Variants in CBLN2 observed in about 807,000 individuals in gnomAD.
CBLN2 encodes cerebellin 2 precursor.
Under a neutral mutation model 15.0 loss-of-function variants are expected in CBLN2, and 7 were observed. That is an observed-to-expected ratio of 0.47 (90% confidence interval 0.27 to 0.88). The LOEUF (loss-of-function observed/expected upper bound fraction) is 0.88, where lower values mean the gene tolerates loss of function less well. CBLN2 is among the 40% of genes least tolerant of loss of function. CBLN2 has a pLI of 0.14. For synonymous variants in CBLN2, 149 were observed against 135.2 expected, an observed-to-expected ratio of 1.10 and a Z score of -0.71; for missense variants, 242 against 304.5, an observed-to-expected ratio of 0.79 and a Z score of 1.53.
Position 72,541,908 on chromosome 18 carries a change from A to T in CBLN2, c.253T>A (p.Ser85Thr). The T allele has an allele frequency of 1.2e-6, 2 of 1,608,400 alleles. No individual in the cohort carries two copies. The highest frequency in any genetic ancestry group is 1.7e-6 in the Non-Finnish European group (2 of 1,179,238). ...DGAVTSSLGI[S>T]VRSGSAKVAF... ...ACCTTGGCGCTGCCGGAGCGCACGG[A>T]GATGCCTAGGGAGGAGGTGACGGCG... Residue 85 changes from serine (S) to threonine (T), a missense_variant, in exon 3 of 5, where the codon TCC becomes ACC. Around this residue, in one of 4 missense-constraint regions of CBLN2, gnomAD observed 89 missense variants for 114.2 expected, o/e 0.78. Coordinates refer to ENST00000269503, the MANE Select transcript of CBLN2 (RefSeq NM_182511.4).
chr18:72,623,276 T>A (rs2069713205), intron 1 of CBLN2, among the ~76,000 whole-genome samples: 1 of 152,050 alleles, frequency 6.6e-6, no homozygotes, highest in Non-Finnish European at 1.5e-5. Context: ...ATCCAAACCA[T>A]ATGACCTGGT....
intron 1 of CBLN2, among the ~76,000 whole-genome samples, chr18:72,619,983 C>T (rs150211147): frequency 6.6e-6 from 1 of 152,220 alleles, no homozygotes; most frequent in Non-Finnish European, 1.5e-5. Context: ...CAGCTCACCA[C>T]CCCTTGTTGG....
chr18:72,553,344 G>C lies in CBLN2; in HGVS notation c.16-14572C>G, dbSNP rs146297054. ...GGGGCTTTGTCCAACATGTCAATGA[G>C]GGAAGGAGCGATAAACTTCTTTTTG... On this transcript the variant is annotated intron_variant, in intron 1 of 2. Transcript: ENST00000581073. 8.5e-5 allele frequency among the ~76,000 whole-genome samples: 13 copies of C among 152,242 alleles called. No homozygotes were observed. In the East Asian group the frequency reaches 2.5e-3, roughly 29 times the overall value.
chr18:72,566,389 C>T lies in CBLN2; in HGVS notation c.16-27617G>A, dbSNP rs138215188. On this transcript the variant is annotated intron_variant, in intron 1 of 2. Transcript: ENST00000581073. ...CTCATGTTTATTGTGGCATTATTTA[C>T]GGTAGTCAAAATAGAGAATCAACTT... 2.2e-4 allele frequency among the ~76,000 whole-genome samples: 33 copies of T among 152,144 alleles called. 1 individual carries two copies. In the East Asian group the frequency reaches 5.8e-3, roughly 27 times the overall value.
chr18:72,609,420 A>T (rs2069605975), intron 1 of CBLN2, among the ~76,000 whole-genome samples: 1 of 152,106 alleles, frequency 6.6e-6, no homozygotes. Context: ...TTGAAGACAC[A>T]AGAAGAAGAT....
intron 1 of CBLN2, among the ~76,000 whole-genome samples, chr18:72,621,113 G>A (rs2069697884): frequency 6.6e-6 from 1 of 152,120 alleles, no homozygotes; most frequent in African/African-American, 2.4e-5. Context: ...GTTTCTATTT[G>A]TTAGAGTCTG....
In CBLN2 at chr18:72,594,966, A is replaced by G. The variant is rs568912856; in HGVS notation, c.15+43359T>C. Among the ~76,000 whole-genome samples the G allele has an allele frequency of 2.3e-4, 35 of 149,730 alleles. 1 individual carries two copies. The highest frequency in any genetic ancestry group is 8.6e-4 in the African/African-American group (35 of 40,850). The stretch of plus-strand genomic sequence containing the variant: ...TTTGCTGGTTTTGTTTATCTTTTGA[A>G]AAACTCAATTTTTAACTTTATTGAC... On this transcript the variant is annotated intron_variant, in intron 1 of 2. Coordinates refer to the CBLN2 transcript ENST00000581073.
At chr18:72,634,529 C>A (rs1489890583) in intron 1 of CBLN2, among the ~76,000 whole-genome samples, 1 of 151,802 alleles carries the variant, frequency 6.6e-6, no homozygotes, top group Non-Finnish European at 1.5e-5. Flanking sequence ...ACACATAAGG[C>A]CTGAGGGAAT....
chr18:72,564,043 C>A (rs1164053409), intron 1 of CBLN2, among the ~76,000 whole-genome samples: 2 of 152,156 alleles, frequency 1.3e-5, no homozygotes, highest in African/African-American at 4.8e-5. Flanking sequence ...AACGTACCTG[C>A]AGGTGGAAGA....
chr18:72,555,725 A>T (rs556763050), intron 1 of CBLN2, among the ~76,000 whole-genome samples: 1 of 152,226 alleles, frequency 6.6e-6, no homozygotes, highest in East Asian at 1.9e-4. Flanking sequence ...AAATAATGTG[A>T]CTCATTCATG....
At chr18:72,570,504 T>A (rs2069325110) in intron 1 of CBLN2, among the ~76,000 whole-genome samples, 1 of 151,268 alleles carries the variant, frequency 6.6e-6, no homozygotes. Context: ...CATCTCAGAC[T>A]CCTGAAGTGC....
At chr18:72,637,462 C>A (rs188126298) in intron 1 of CBLN2, among the ~76,000 whole-genome samples, 175 of 152,296 alleles carry the variant, frequency 1.1e-3, no homozygotes, top group Non-Finnish European at 2.0e-3. Flanking sequence ...GACACCCCAG[C>A]AGCTGGTGGT....
At chr18:72,541,546 T>C (rs1389504144) in intron 3 of CBLN2, among the ~76,000 whole-genome samples, 4 of 152,222 alleles carry the variant, frequency 2.6e-5, no homozygotes, top group Non-Finnish European at 5.9e-5. Flanking sequence ...CTTAGAAAGC[T>C]TAGACAGCCT....
chr18:72,633,362 A>G (rs759508169), intron 1 of CBLN2, among the ~76,000 whole-genome samples: 14 of 152,188 alleles, frequency 9.2e-5, no homozygotes, highest in Non-Finnish European at 1.6e-4. Context: ...CTAGGACCAG[A>G]GCCCTGTGTT....
At chr18:72,558,036 C>T (rs752403160) in intron 1 of CBLN2, among the ~76,000 whole-genome samples, 1 of 152,140 alleles carries the variant, frequency 6.6e-6, no homozygotes, top group Non-Finnish European at 1.5e-5. Context: ...AAATATGTCA[C>T]GGAAGGTTTC....
chr18:72,583,336 C>T lies in CBLN2; in HGVS notation c.16-44564G>A, dbSNP rs1009876811. On this transcript the variant is annotated intron_variant, in intron 1 of 2. Transcript: ENST00000581073. ...AGCAGCTCATGTTGAACAAAAGCAGCGGCTCTTTCTTGGTTTTCTAGAGCA... is the reference window on the plus strand; with the variant it reads ...AGCAGCTCATGTTGAACAAAAGCAGTGGCTCTTTCTTGGTTTTCTAGAGCA... Among the ~76,000 whole-genome samples, 18 of 152,272 alleles carry T rather than the reference C, an allele frequency of 1.2e-4. No individual in the cohort carries two copies. In the South Asian group the frequency reaches 3.5e-3, roughly 30 times the overall value.
At chr18:72,635,773 G>A (rs2069808294) in intron 1 of CBLN2, among the ~76,000 whole-genome samples, 2 of 151,994 alleles carry the variant, frequency 1.3e-5, no homozygotes, top group South Asian at 2.1e-4. Flanking sequence ...GAATTCATTA[G>A]GTTATCATTT....
Position 72,544,333 on chromosome 18 carries a change from A to AC in CBLN2, c.-569dup, listed in dbSNP as rs2069142360. On this transcript the variant is annotated 5_prime_UTR_variant, in exon 1 of 5. Transcript: ENST00000269503. ...CGGGTCTGTGTGTCTGCTCCTCTGG[A>AC]CCTCGGACTGGTGGAGCGGCTGGCG... 6.6e-6 allele frequency: 1 copy of AC among 152,146 alleles called. No homozygotes were observed. Among genetic ancestry groups the AC allele is most frequent in the Non-Finnish European group, 1.5e-5 (1 of 68,040 alleles). 9.4% of individuals were successfully genotyped at this position (152,146 alleles called of 1,614,324 possible).
intron 1 of CBLN2, among the ~76,000 whole-genome samples, chr18:72,632,456 T>C (rs2069783548): frequency 6.6e-6 from 1 of 152,162 alleles, no homozygotes; most frequent in Admixed American, 6.6e-5. Context: ...GATGGGTGTA[T>C]GTATATGCTT....
Sources: gnomAD v4.1 joint callset for allele counts (sites outside exome capture counted in the v4.1 genomes callset) on GRCh38, gnomAD v4.1.1 for gene constraint, gnomAD v4.1.1 regional missense constraint, MANE v1.5 for transcripts, NCBI Gene and HGNC (gene_info 2026-07-23, HGNC 2026-07-21) for gene names.